The following PTCHD4 variants were observed in gnomAD, a reference collection of about 807,000 sequenced individuals.
PTCHD4 encodes the protein patched domain-containing protein 4.
PTCHD4 carries 33 observed loss-of-function variants against 58.1 expected under a neutral mutation model. The observed-to-expected ratio is 0.57, with a 90% CI of 0.43 to 0.76. The LOEUF (loss-of-function observed/expected upper bound fraction) is 0.76, where lower values mean the gene tolerates loss of function less well. Ranked by LOEUF, PTCHD4 falls within the 30% of genes least tolerant of loss-of-function variation. PTCHD4 has a pLI of 0.00. For synonymous variants in PTCHD4, 478 were observed against 409.6 expected (o/e 1.17, Z -2.02); for missense variants, 1,058 against 1,027.1 (o/e 1.03, Z -0.41).
rs537389216 is a variant in PTCHD4, at chr6:47,911,721, T to C, written c.899-31785A>G. ...GTTAAATTTGAGATGACCGGTAGAGTAGACATCTACATTCTGATGTCAAGT... is the reference window on the plus strand; with the variant it reads ...GTTAAATTTGAGATGACCGGTAGAGCAGACATCTACATTCTGATGTCAAGT... On this transcript the variant is annotated intron_variant, in intron 4 of 4. Transcript: ENST00000339488. Among the ~76,000 whole-genome samples, 17 of 152,018 alleles carry C rather than the reference T, an allele frequency of 1.1e-4. 1 individual carries two copies. The South Asian group carries it at 3.5e-3, about 31-fold the overall frequency.
At chr6:48,102,602 CGGACAGTGGGTGCA>C (rs1218637914) in intron 1 of PTCHD4, among the ~76,000 whole-genome samples, 1 of 152,136 alleles carries the variant, frequency 6.6e-6, no homozygotes, top group Non-Finnish European at 1.5e-5. Flanking sequence ...AGGGGAGTGC[CGGACAGTGGGTGCA>C]GGACAGTGGG....
intron 4 of PTCHD4, among the ~76,000 whole-genome samples, chr6:47,916,472 G>C (rs1287140266): frequency 6.6e-6 from 1 of 152,000 alleles, no homozygotes; most frequent in Non-Finnish European, 1.5e-5. Context: ...AGCAAGAAAA[G>C]GCTCTCTCCC....
chr6:47,911,172 G>A (rs1377639073), intron 4 of PTCHD4, among the ~76,000 whole-genome samples: 1 of 152,038 alleles, frequency 6.6e-6, no homozygotes, highest in Non-Finnish European at 1.5e-5. Flanking sequence ...TTGGTCAAAG[G>A]GAAGCACTAA....
intron 3 of PTCHD4, among the ~76,000 whole-genome samples, chr6:48,034,955 G>A (rs1025258650): frequency 2.0e-5 from 3 of 152,168 alleles, no homozygotes; most frequent in Middle Eastern, 3.4e-3. Flanking sequence ...CACATTCTGC[G>A]TTCACTTCAC....
Position 47,869,344 on chromosome 6 carries a change from G to A in PTCHD4, c.*8959C>T, listed in dbSNP as rs1050794698. Among the ~76,000 whole-genome samples the A allele has an allele frequency of 7.9e-5, 12 of 151,698 alleles. No individual in the cohort carries two copies. Among genetic ancestry groups the A allele is most frequent in the Non-Finnish European group, 1.6e-4 (11 of 67,788 alleles). ...CTGAGGAGCCGCTGGCTCACTCATT[G>A]TCTCCATCTTCTGCAGCTCTCATAT... is the stretch of plus-strand genomic sequence containing the variant. On this transcript the variant is annotated 3_prime_UTR_variant, in exon 5 of 5. Transcript: ENST00000339488.
chr6:48,097,722 A>G lies in PTCHD4; in HGVS notation c.-970+13327T>C, dbSNP rs151077633. On this transcript the variant is annotated intron_variant, in intron 1 of 4. Coordinates refer to ENST00000339488, the MANE Select transcript of PTCHD4 (RefSeq NM_001384253.1). ...ATAGACAAGAAGATAGGCCCTTATTAGGAAGCTATTATAAGAACAAACAGA... is the reference window on the plus strand; with the variant it reads ...ATAGACAAGAAGATAGGCCCTTATTGGGAAGCTATTATAAGAACAAACAGA... Among the ~76,000 whole-genome samples the G allele has an allele frequency of 5.3e-4, 80 of 152,348 alleles. 1 individual carries two copies. The East Asian group carries it at 0.015, about 28-fold the overall frequency.
At chr6:48,104,476 G>C (rs573018913) in intron 1 of PTCHD4, among the ~76,000 whole-genome samples, 1 of 152,096 alleles carries the variant, frequency 6.6e-6, no homozygotes, top group Non-Finnish European at 1.5e-5. Flanking sequence ...AGGAACAACC[G>C]GTACCAGCCA....
chr6:48,110,258 C>T (rs578014080), intron 1 of PTCHD4, among the ~76,000 whole-genome samples: 25 of 152,226 alleles, frequency 1.6e-4, no homozygotes, highest in African/African-American at 5.8e-4. Context: ...TGTGTATACA[C>T]ACACACAATT....
At chr6:48,038,050 G>T (rs1349371247) in intron 3 of PTCHD4, among the ~76,000 whole-genome samples, 1 of 149,632 alleles carries the variant, frequency 6.7e-6, no homozygotes, top group Admixed American at 6.7e-5. Flanking sequence ...TGACCAAAAA[G>T]AAAAAATAAA....
In PTCHD4 at chr6:47,864,352, C is replaced by A. The variant is rs1367162883; in HGVS notation, c.*13951G>T. Among the ~76,000 whole-genome samples the A allele has an allele frequency of 6.6e-6, 1 of 151,638 alleles. No individual in the cohort carries two copies. The highest frequency in any genetic ancestry group is 2.4e-5 in the African/African-American group (1 of 41,284). On this transcript the variant is annotated 3_prime_UTR_variant, in exon 5 of 5. Coordinates refer to ENST00000339488, the MANE Select transcript of PTCHD4 (RefSeq NM_001384253.1). ...CACATATATATATATGGCTATTTCA[C>A]CTACTAGTTTGCTTTGCTAAAATCC... is the stretch of plus-strand genomic sequence containing the variant.
At chr6:48,088,059 A>G (rs1476085181) in intron 1 of PTCHD4, among the ~76,000 whole-genome samples, 1 of 152,188 alleles carries the variant, frequency 6.6e-6, no homozygotes, top group African/African-American at 2.4e-5. Flanking sequence ...TCAAAATAAA[A>G]TTTTAAGTGG....
At chr6:48,037,960 G>T (rs1424541572) in intron 3 of PTCHD4, among the ~76,000 whole-genome samples, 1 of 149,438 alleles carries the variant, frequency 6.7e-6, no homozygotes, top group African/African-American at 2.5e-5. Context: ...GATTTGTTTT[G>T]TTTATCTTTG....
chr6:47,892,785 T>G (rs1354956097), intron 4 of PTCHD4, among the ~76,000 whole-genome samples: 1 of 152,224 alleles, frequency 6.6e-6, no homozygotes, highest in African/African-American at 2.4e-5. Flanking sequence ...GGACAAGTTT[T>G]AAGGGGCATC....
At position 47,857,796 on chromosome 6, in the gene PTCHD4, C is replaced by T. The variant is rs953046462; in HGVS notation, c.*20507G>A. 2.0e-5 allele frequency among the ~76,000 whole-genome samples: 3 copies of T among 151,898 alleles called. No individual in the cohort carries two copies. Among genetic ancestry groups the T allele is most frequent in the African/African-American group, 4.8e-5 (2 of 41,406 alleles). ...CTACATTGAGCACACAGGTATTAAACATACAAATGATTGGCATTAAACATT... is the reference window on the plus strand; with the variant it reads ...CTACATTGAGCACACAGGTATTAAATATACAAATGATTGGCATTAAACATT... On this transcript the variant is annotated 3_prime_UTR_variant, in exon 5 of 5. Transcript: ENST00000339488.
intron 3 of PTCHD4, among the ~76,000 whole-genome samples, chr6:48,013,846 A>C (rs905197678): frequency 3.3e-5 from 5 of 152,180 alleles, no homozygotes; most frequent in Admixed American, 6.6e-5. Context: ...CTTTAGCAGC[A>C]ACAAAATGAT....
At chr6:47,945,258 A>G (rs555904700) in intron 4 of PTCHD4, among the ~76,000 whole-genome samples, 2 of 152,252 alleles carry the variant, frequency 1.3e-5, no homozygotes, top group Admixed American at 6.5e-5. Context: ...CTGAAAATCC[A>G]TCTCTTCCAG....
intron 1 of PTCHD4, among the ~76,000 whole-genome samples, chr6:48,092,336 C>G (rs1480258013): frequency 6.6e-6 from 1 of 152,152 alleles, no homozygotes; most frequent in Non-Finnish European, 1.5e-5. Flanking sequence ...CTGGCCTTAC[C>G]AAATACTAAA....
rs1363404837 is a variant in PTCHD4, at chr6:47,866,951, A to T, written c.*11352T>A. Among the ~76,000 whole-genome samples the T allele has an allele frequency of 6.6e-6, 1 of 151,854 alleles. No individual in the cohort carries two copies. The highest frequency in any genetic ancestry group is 1.5e-5 in the Non-Finnish European group (1 of 67,858). On this transcript the variant is annotated 3_prime_UTR_variant, in exon 5 of 5. Coordinates refer to ENST00000339488, the MANE Select transcript of PTCHD4 (RefSeq NM_001384253.1). ...AAAATCTATGCAGTTATTTTTCATC[A>T]CATATAATTTACATTTGGACTTCTC...
At chr6:47,893,762 G>A (rs1173039753) in intron 4 of PTCHD4, among the ~76,000 whole-genome samples, 3 of 152,208 alleles carry the variant, frequency 2.0e-5, no homozygotes, top group Non-Finnish European at 4.4e-5. Context: ...AGTTGTAGCA[G>A]CATAGGAATT....
Sources: allele counts gnomAD v4.1 joint callset (sites outside exome capture counted in the v4.1 genomes callset), GRCh38; gene constraint gnomAD v4.1.1; transcripts MANE v1.5; gene names NCBI Gene and HGNC (gene_info 2026-07-23, HGNC 2026-07-21).